ZNF277: variants seen among roughly 807,000 people sequenced by gnomAD.
ZNF277 encodes zinc finger protein 277.
A neutral mutation model predicts 60.7 loss-of-function variants in ZNF277; 55 were observed. The ratio of observed to expected loss-of-function variants is 0.91; its 90% CI spans 0.73 to 1.13. ZNF277 has a LOEUF of 1.13. ZNF277 is among the 50% of genes most tolerant of loss of function. The probability of loss-of-function intolerance (pLI) is 0.00; values close to 1 mark genes in which losing one functional copy is unlikely to be tolerated. For synonymous variants in ZNF277, 178 were observed against 179.3 expected (o/e 0.99, Z 0.06); for missense variants, 510 against 523.0 (o/e 0.98, Z 0.24).
intron 1 of ZNF277, among the ~76,000 whole-genome samples, chr7:112,248,199 C>T (rs556997579): frequency 9.3e-5 from 14 of 151,048 alleles, no homozygotes; most frequent in African/African-American, 3.4e-4. Context: ...AATGTATTTC[C>T]AAGATGACTG....
intron 1 of ZNF277, among the ~76,000 whole-genome samples, chr7:112,270,390 T>C (rs1372217883): frequency 2.6e-5 from 4 of 152,138 alleles, no homozygotes; most frequent in African/African-American, 9.7e-5. Flanking sequence ...ATGTCCCTAT[T>C]TGCTATAAGG....
At chr7:112,280,562 T>A (rs1240695438) in intron 1 of ZNF277, among the ~76,000 whole-genome samples, 1 of 152,166 alleles carries the variant, frequency 6.6e-6, no homozygotes, top group East Asian at 1.9e-4. Flanking sequence ...TAGACGTGAT[T>A]TACTTCCTTT....
chr7:112,339,929 T>A lies in ZNF277; in HGVS notation c.1009+44T>A, dbSNP rs1458854054. 3 of 1,572,228 alleles carry A rather than the reference T, an allele frequency of 1.9e-6. No homozygotes were observed. In the Admixed American group the frequency reaches 5.0e-5, roughly 26 times the overall value. On this transcript the variant is annotated intron_variant, in intron 10 of 11. Coordinates refer to ENST00000361822, the MANE Select transcript of ZNF277 (RefSeq NM_021994.3). ...TTTTTTTCTGTGATGCTTCATTTTT[T>A]ATAAACCATCCTGTAAGCTATGCCT...
At chr7:112,320,917 CTTTTTTTTT>C (rs1230552751) in intron 5 of ZNF277, among the ~76,000 whole-genome samples, 4 of 98,380 alleles carry the variant, frequency 4.1e-5, no homozygotes, top group South Asian at 3.8e-4. Context: ...TTGTTTCTTT[CTTTTTTTTT>C]TTTTTTTTTT....
At chr7:112,313,628 A>C (rs1440538972) in intron 4 of ZNF277, among the ~76,000 whole-genome samples, 1 of 152,154 alleles carries the variant, frequency 6.6e-6, no homozygotes, top group Non-Finnish European at 1.5e-5. Flanking sequence ...TTGTAAGTTT[A>C]AAAGAAAACT....
At chr7:112,331,662 A>G (rs762495030) in intron 7 of ZNF277, among the ~76,000 whole-genome samples, 2 of 152,182 alleles carry the variant, frequency 1.3e-5, no homozygotes, top group African/African-American at 4.8e-5. Context: ...GTTTTCTACA[A>G]ATGTTTTACA....
chr7:112,309,991 C>T (rs1475456732), intron 4 of ZNF277, among the ~76,000 whole-genome samples: 1 of 152,112 alleles, frequency 6.6e-6, no homozygotes, highest in East Asian at 1.9e-4. Context: ...TCTCCTGGCA[C>T]ATCAGTATGT....
chr7:112,309,983 T>G (rs2117098770), intron 4 of ZNF277, among the ~76,000 whole-genome samples: 1 of 152,256 alleles, frequency 6.6e-6, no homozygotes, highest in South Asian at 2.1e-4. Flanking sequence ...TGCATTGTTC[T>G]CCTGGCACAT....
At chr7:112,266,239 T>TG (rs1372819834) in intron 1 of ZNF277, among the ~76,000 whole-genome samples, 3 of 152,164 alleles carry the variant, frequency 2.0e-5, no homozygotes, top group African/African-American at 7.2e-5. Context: ...TCCCATCTCC[T>TG]GGGTTCAAGG....
chr7:112,265,583 G>GA (rs1399152919), intron 1 of ZNF277, among the ~76,000 whole-genome samples: 2 of 152,074 alleles, frequency 1.3e-5, no homozygotes, highest in Admixed American at 1.3e-4. Context: ...TGCTGTTGGG[G>GA]AAAAATGGCA....
At chr7:112,339,798 A>C in intron 9 of ZNF277, 45 bp from the exon 10 acceptor site, 1 of 1,572,308 alleles carries the variant, frequency 6.4e-7, no homozygotes, top group Non-Finnish European at 8.7e-7. Flanking sequence ...AGCCTGAAAG[A>C]TTAAATAATT....
chr7:112,309,072 C>A (rs74678220), intron 4 of ZNF277, among the ~76,000 whole-genome samples: 2 of 151,978 alleles, frequency 1.3e-5, no homozygotes, highest in East Asian at 3.9e-4. Flanking sequence ...GAAGGCTTTA[C>A]GATCTACTTT....
At chr7:112,291,632 T>C (rs1038348402) in intron 2 of ZNF277, among the ~76,000 whole-genome samples, 1 of 151,654 alleles carries the variant, frequency 6.6e-6, no homozygotes, top group African/African-American at 2.4e-5. Context: ...TGGGAAAAAA[T>C]GCCACAAGAA....
At chr7:112,233,482 A>G (rs1822394633) in intron 1 of ZNF277, among the ~76,000 whole-genome samples, 1 of 152,208 alleles carries the variant, frequency 6.6e-6, no homozygotes, top group South Asian at 2.1e-4. Context: ...ATATAAGTGA[A>G]TTAGAAAGCA....
At chr7:112,320,960 C>T (rs1467210288) in intron 5 of ZNF277, among the ~76,000 whole-genome samples, 10 of 123,586 alleles carry the variant, frequency 8.1e-5, no homozygotes, top group Non-Finnish European at 1.6e-4. Context: ...CTCACTCTGT[C>T]GCCCAGCCTG....
At chr7:112,313,239 T>A (rs1010650397) in intron 4 of ZNF277, among the ~76,000 whole-genome samples, 1 of 152,114 alleles carries the variant, frequency 6.6e-6, no homozygotes, top group African/African-American at 2.4e-5. Context: ...AACGTCATGT[T>A]AGTAACAAAC....
chr7:112,233,323 T>C (rs1200205762), intron 1 of ZNF277, among the ~76,000 whole-genome samples: 1 of 152,210 alleles, frequency 6.6e-6, no homozygotes, highest in Non-Finnish European at 1.5e-5. Flanking sequence ...TATTCTTCTG[T>C]GCCTGTTAAC....
At chr7:112,227,324 T>A (rs1822201425) in intron 1 of ZNF277, among the ~76,000 whole-genome samples, 1 of 152,196 alleles carries the variant, frequency 6.6e-6, no homozygotes, top group African/African-American at 2.4e-5. Flanking sequence ...AATTTAACAG[T>A]TTAATTTAGC....
Position 112,287,229 on chromosome 7 carries a change from T to C in ZNF277, c.293+155T>C, listed in dbSNP as rs1351698352. ...CTCTAAAAACAAAATTTAAAAATTATCTAGGATCAATGGCATGCACCTGTA... is the reference window on the plus strand; with the variant it reads ...CTCTAAAAACAAAATTTAAAAATTACCTAGGATCAATGGCATGCACCTGTA... On this transcript the variant is annotated intron_variant, in intron 2 of 11. Transcript: ENST00000361822. 1.3e-5 allele frequency: 9 copies of C among 698,600 alleles called. No individual in the cohort carries two copies. The East Asian group carries it at 1.4e-4, about 11-fold the overall frequency. 43.3% of individuals were successfully genotyped at this position (698,600 alleles called of 1,614,324 possible).
Sources: allele counts gnomAD v4.1 joint callset (sites outside exome capture counted in the v4.1 genomes callset), GRCh38; gene constraint gnomAD v4.1.1; transcripts MANE v1.5; gene names NCBI Gene and HGNC (gene_info 2026-07-23, HGNC 2026-07-21).